AMTN: variants seen among roughly 807,000 people sequenced by gnomAD.
The protein encoded by AMTN is RSTI689.
Under a neutral mutation model 27.4 loss-of-function variants are expected in AMTN, and 29 were observed. That is an observed-to-expected ratio of 1.06 (90% CI 0.79 to 1.44). The LOEUF is 1.44. AMTN is among the 40% of genes most tolerant of loss of function. AMTN has a pLI of 0.00. For missense variants in AMTN, 247 were observed against 248.8 expected, an observed-to-expected ratio of 0.99 and a Z score of 0.05; for synonymous variants, 86 against 95.7, an observed-to-expected ratio of 0.90 and a Z score of 0.59.
intron 5 of AMTN, among the ~76,000 whole-genome samples, chr4:70,527,035 C>G (rs529679727): frequency 2.6e-5 from 4 of 151,392 alleles, no homozygotes; most frequent in Non-Finnish European, 4.4e-5. Context: ...TAGAACCACA[C>G]AATTTCTGGT....
At position 70,522,779 on chromosome 4, in the gene AMTN, C is replaced by T; in HGVS notation, c.79C>T (p.Pro27Ser). 6.2e-7 allele frequency: 1 copy of T among 1,614,004 alleles called. No individual in the cohort carries two copies. Among genetic ancestry groups the T allele is most frequent in the Non-Finnish European group, 8.5e-7 (1 of 1,179,910 alleles). Residue 27 changes from proline to serine, a missense_variant, in exon 3 of 9, where the codon CCT becomes TCT. Pro to Ser is a moderately conservative substitution (Grantham distance 74). Coordinates refer to ENST00000339336, the MANE Select transcript of AMTN (RefSeq NM_212557.4). ...LPQLKPALGL[P>S]PTKLAPDQGT... The stretch of plus-strand genomic sequence containing the variant: ...GCAGCTCAAACCTGCTTTGGGACTC[C>T]CTCCCACAAAACTGGCTCCGGATCA...
chr4:70,527,540 A>G (rs1263677164), intron 5 of AMTN, among the ~76,000 whole-genome samples: 2 of 152,214 alleles, frequency 1.3e-5, no homozygotes, highest in Non-Finnish European at 2.9e-5. Flanking sequence ...GATTGTGAGT[A>G]AGGCTTTTTA....
Position 70,523,892 on chromosome 4 carries a change from C to G in AMTN, c.163C>G (p.Pro55Ala). 6.2e-7 allele frequency: 1 copy of G among 1,613,740 alleles called. No homozygotes were observed. The highest frequency in any genetic ancestry group is 1.1e-5 in the South Asian group (1 of 91,036). Residue 55 changes from proline to alanine, a missense_variant, in exon 4 of 9, where the codon CCA becomes GCA. Transcript: ENST00000339336. ...GGTCTTTCCTTCTTTAAGTCTGATA[C>G]CATTAACACAGATGCTCACACTGGG... The part of the protein sequence containing the change: ...NQVFPSLSLI[P>A]LTQMLTLGPD...
intron 2 of AMTN, among the ~76,000 whole-genome samples, chr4:70,521,463 A>G (rs957079957): frequency 3.3e-5 from 5 of 149,796 alleles, no homozygotes; most frequent in Admixed American, 1.3e-4. Flanking sequence ...AAGCAACAAG[A>G]TTAGACCATC....
chr4:70,530,404 C>T (rs753980477), intron 7 of AMTN, among the ~76,000 whole-genome samples: 8 of 152,194 alleles, frequency 5.3e-5, no homozygotes, highest in Non-Finnish European at 1.0e-4. Context: ...TCCTATCTGT[C>T]ATCCAGCGTA....
intron 5 of AMTN, among the ~76,000 whole-genome samples, chr4:70,525,452 C>T (rs1020317150): frequency 6.6e-6 from 1 of 152,186 alleles, no homozygotes; most frequent in Admixed American, 6.5e-5. Context: ...CCCACTATCA[C>T]TTGCTTTCAA....
chr4:70,519,698 A>ATTTTTTT (rs397938885), intron 2 of AMTN, among the ~76,000 whole-genome samples: 1 of 67,170 alleles, frequency 1.5e-5, no homozygotes, highest in Non-Finnish European at 3.9e-5. Flanking sequence ...GTAGACATTA[A>ATTTTTTT]TTTTTTTTTT....
At position 70,518,821 on chromosome 4, in the gene AMTN, G is replaced by C. The variant is rs745340214; in HGVS notation, c.44G>C (p.Arg15Pro). Reference protein sequence around the residue: ...ILLFCLLGSTRSLPQLKPALG... With the variant: ...ILLFCLLGSTPSLPQLKPALG... ...CTGTTTTGTCTTCTAGGATCAACTC[G>C]GTCATTACCAGTAAGTATGTTATGT... Residue 15 changes from arginine to proline, a missense_variant, in exon 2 of 9, where the codon CGG becomes CCG. Transcript: ENST00000339336. 1.9e-6 allele frequency: 3 copies of C among 1,609,024 alleles called. No homozygotes were observed. The highest frequency in any genetic ancestry group is 1.3e-5 in the African/African-American group (1 of 74,810).
chr4:70,531,347 C>G, intron 8 of AMTN, 47 bp downstream of exon 8: 1 of 1,605,264 alleles, frequency 6.2e-7, no homozygotes, highest in African/African-American at 1.3e-5. Context: ...TAAAAGTCAT[C>G]TGCAGAATGG....
chr4:70,525,659 G>A (rs1184412009), intron 5 of AMTN, among the ~76,000 whole-genome samples: 2 of 152,184 alleles, frequency 1.3e-5, no homozygotes, highest in East Asian at 1.9e-4. Flanking sequence ...ACTTTGGAAG[G>A]CCAAGGCAGG....
chr4:70,526,126 GC>G (rs1314808570), intron 5 of AMTN, among the ~76,000 whole-genome samples: 3 of 151,854 alleles, frequency 2.0e-5, no homozygotes, highest in Non-Finnish European at 4.4e-5. Flanking sequence ...TTACATATAA[GC>G]AAAAAATAAA....
intron 5 of AMTN, among the ~76,000 whole-genome samples, chr4:70,526,326 A>G (rs1378892704): frequency 1.3e-5 from 2 of 152,110 alleles, no homozygotes; most frequent in African/African-American, 4.8e-5. Flanking sequence ...ATATTCACTC[A>G]CAATGTTGTT....
At chr4:70,520,608 A>G (rs1177369029) in intron 2 of AMTN, among the ~76,000 whole-genome samples, 2 of 152,256 alleles carry the variant, frequency 1.3e-5, no homozygotes, top group South Asian at 2.1e-4. Flanking sequence ...TATCTTTTTG[A>G]GATGGATCAT....
At chr4:70,531,531 G>C (rs556744059) in intron 8 of AMTN, among the ~76,000 whole-genome samples, 2 of 152,256 alleles carry the variant, frequency 1.3e-5, no homozygotes, top group East Asian at 3.9e-4. Flanking sequence ...TGGTTGTTTT[G>C]AGACAGGGTC....
chr4:70,530,885 G>A (rs1382405326), intron 7 of AMTN, among the ~76,000 whole-genome samples, 154 bp from the exon 8 acceptor site: 1 of 152,198 alleles, frequency 6.6e-6, no homozygotes, highest in East Asian at 1.9e-4. Context: ...GCTGGACCAA[G>A]GGTGTATTTC....
At chr4:70,527,826 G>A (rs761808035) in intron 5 of AMTN, among the ~76,000 whole-genome samples, 2 of 152,114 alleles carry the variant, frequency 1.3e-5, no homozygotes, top group Non-Finnish European at 2.9e-5. Flanking sequence ...CACCTCACTC[G>A]AATCTTTTTC....
chr4:70,521,173 G>A (rs34291254), intron 2 of AMTN, among the ~76,000 whole-genome samples: 67,669 of 151,872 alleles, frequency 0.45, 15,854 homozygotes, highest in Admixed American at 0.52. Flanking sequence ...GAGATCAGGA[G>A]TTCAAGACCA....
intron 2 of AMTN, 62 bp downstream of exon 2, chr4:70,518,893 C>A: frequency 7.6e-7 from 1 of 1,320,732 alleles, no homozygotes; most frequent in Non-Finnish European, 1.1e-6. Context: ...AGCTGCAGAC[C>A]TACCTCTCTC....
Position 70,531,156 on chromosome 4 carries a change from G to A in AMTN, c.475G>A (p.Gly159Ser). 1 of 1,614,028 alleles carries A rather than the reference G, an allele frequency of 6.2e-7. No individual in the cohort carries two copies. Among genetic ancestry groups the A allele is most frequent in the Non-Finnish European group, 8.5e-7 (1 of 1,179,976 alleles). Residue 159 changes from glycine (G) to serine (S), a missense_variant, in exon 8 of 9, where the codon GGT becomes AGT. Transcript: ENST00000339336. The stretch of plus-strand genomic sequence containing the variant: ...TGGAAGCCTTCCAGCAGGAGGAGCA[G>A]GTGTAAATCCTGCCACCCAGGGAAC... ...QDGSLPAGGA[G>S]VNPATQGTPA... is the part of the protein sequence containing the mutation.
Sources: allele counts gnomAD v4.1 joint callset (sites outside exome capture counted in the v4.1 genomes callset), GRCh38; gene constraint gnomAD v4.1.1; transcripts MANE v1.5; gene names NCBI Gene and HGNC (gene_info 2026-07-23, HGNC 2026-07-21).